MITF: variants seen among roughly 807,000 people sequenced by gnomAD.
MITF encodes the protein melanocyte inducing transcription factor.
MITF carries 17 observed loss-of-function variants against 60.5 expected under a neutral mutation model. The observed-to-expected ratio is 0.28, with a 90% CI of 0.19 to 0.42. The LOEUF (loss-of-function observed/expected upper bound fraction) is 0.42. MITF is among the 10% of genes least tolerant of loss of function. MITF has a pLI of 1.00. For missense variants in MITF, 622 were observed against 683.5 expected, an observed-to-expected ratio of 0.91 and a Z score of 1.00; for synonymous variants, 260 against 248.5, an observed-to-expected ratio of 1.05 and a Z score of -0.43.
chr3:69,864,986 A>G (rs143037268), intron 1 of MITF, among the ~76,000 whole-genome samples: 1 of 152,210 alleles, frequency 6.6e-6, no homozygotes, highest in East Asian at 1.9e-4. Context: ...TTACATATTT[A>G]TGTGATTATT....
intron 1 of MITF, among the ~76,000 whole-genome samples, chr3:69,804,173 A>G (rs906132103): frequency 6.6e-6 from 1 of 152,246 alleles, no homozygotes; most frequent in African/African-American, 2.4e-5. Flanking sequence ...TTTCTGAAGT[A>G]CTAAAAATAC....
At chr3:69,864,448 G>T (rs1006687147) in intron 1 of MITF, among the ~76,000 whole-genome samples, 1 of 152,094 alleles carries the variant, frequency 6.6e-6, no homozygotes, top group Non-Finnish European at 1.5e-5. Flanking sequence ...CGTATTTATT[G>T]GTCCTTAGTT....
At chr3:69,862,436 G>A (rs1459483579) in intron 1 of MITF, among the ~76,000 whole-genome samples, 1 of 152,158 alleles carries the variant, frequency 6.6e-6, no homozygotes, top group Non-Finnish European at 1.5e-5. Context: ...CTATTGAGTA[G>A]AAGTATGAGT....
intron 1 of MITF, among the ~76,000 whole-genome samples, chr3:69,865,398 C>T (rs2064093693): frequency 6.6e-6 from 1 of 152,158 alleles, no homozygotes; most frequent in Non-Finnish European, 1.5e-5. Context: ...ATTTTCACAA[C>T]TCTGTAGGGC....
Position 69,967,471 on chromosome 3 carries a change from T to G in MITF, c.*2223T>G, listed in dbSNP as rs1229048589. On this transcript the variant is annotated 3_prime_UTR_variant, in exon 10 of 10. Transcript: ENST00000352241. ...GATGTTAGTTTTCCTTAGCTGATTT[T>G]GAGGGTTTTTAAAAATAAAGCAAGG... The G allele has an allele frequency of 4.3e-6, 1 of 233,410 alleles. No individual in the cohort carries two copies. Among genetic ancestry groups the G allele is most frequent in the Non-Finnish European group, 8.5e-6 (1 of 117,900 alleles). The allele number at this position is 233,410 out of a possible 1,614,324, so 14.5% of individuals were successfully genotyped here.
intron 5 of MITF, among the ~76,000 whole-genome samples, chr3:69,941,798 C>T (rs1475247440): frequency 2.6e-5 from 4 of 152,302 alleles, no homozygotes; most frequent in Admixed American, 1.3e-4. Flanking sequence ...AGTTCATAAA[C>T]AAGTGGTCCT....
chr3:69,905,966 G>A (rs1384068886), intron 2 of MITF, among the ~76,000 whole-genome samples: 3 of 151,988 alleles, frequency 2.0e-5, no homozygotes, highest in Non-Finnish European at 4.4e-5. Context: ...AAAAGCAGAA[G>A]TTTTAAATTT....
chr3:69,809,050 T>C (rs1056631081), intron 1 of MITF, among the ~76,000 whole-genome samples: 3 of 152,070 alleles, frequency 2.0e-5, no homozygotes, highest in African/African-American at 7.2e-5. Context: ...TTAAGAGATA[T>C]TTTGGAGCAA....
intron 1 of MITF, among the ~76,000 whole-genome samples, chr3:69,780,985 T>A (rs1006596201): frequency 2.6e-4 from 40 of 152,324 alleles, no homozygotes; most frequent in Non-Finnish European, 4.4e-4. Flanking sequence ...TGACACTGTT[T>A]ATCAAAGGTA....
In MITF at chr3:69,853,650, C is replaced by T. The variant is rs113333971; in HGVS notation, c.105-25484C>T. Among the ~76,000 whole-genome samples, 1,520 of 152,186 alleles carry T rather than the reference C, an allele frequency of 1.0e-2. 30 individuals are homozygous for T. Among genetic ancestry groups the T allele is most frequent in the African/African-American group, 0.034 (1,426 of 41,516 alleles). ...CCTTTTTGTTCTAATCACTCCTTTGCTTTTCATTACACTTTTAGAATCGTT... is the reference window on the plus strand; with the variant it reads ...CCTTTTTGTTCTAATCACTCCTTTGTTTTTCATTACACTTTTAGAATCGTT... On this transcript the variant is annotated intron_variant, in intron 1 of 9. Coordinates refer to ENST00000352241, the MANE Select transcript of MITF (RefSeq NM_001354604.2).
intron 1 of MITF, among the ~76,000 whole-genome samples, chr3:69,744,057 A>G (rs1703632129): frequency 6.6e-6 from 1 of 152,246 alleles, no homozygotes; most frequent in South Asian, 2.1e-4. Flanking sequence ...GAAAGTGAGT[A>G]TTAGCTTTAT....
intron 1 of MITF, among the ~76,000 whole-genome samples, chr3:69,860,175 C>A (rs1373578444): frequency 2.6e-5 from 4 of 152,104 alleles, no homozygotes; most frequent in Admixed American, 2.0e-4. Flanking sequence ...ACCTTTAATG[C>A]AGGAACAAGT....
At chr3:69,741,184 T>C (rs1290105226) in intron 1 of MITF, among the ~76,000 whole-genome samples, 1 of 152,024 alleles carries the variant, frequency 6.6e-6, no homozygotes, top group African/African-American at 2.4e-5. Context: ...ATAGATTGTG[T>C]GTGTTGGGGG....
intron 1 of MITF, among the ~76,000 whole-genome samples, chr3:69,767,872 T>C (rs2062325458): frequency 6.6e-6 from 1 of 152,154 alleles, no homozygotes; most frequent in Non-Finnish European, 1.5e-5. Context: ...GGAACGATGA[T>C]ACACATGCAT....
intron 1 of MITF, among the ~76,000 whole-genome samples, chr3:69,865,739 A>G (rs1045305766): frequency 6.6e-6 from 1 of 152,122 alleles, no homozygotes; most frequent in Non-Finnish European, 1.5e-5. Context: ...CAAGGAGGGC[A>G]TATTCAATTA....
At chr3:69,779,205 A>T (rs1353348514) in intron 1 of MITF, among the ~76,000 whole-genome samples, 1 of 152,182 alleles carries the variant, frequency 6.6e-6, no homozygotes, top group Admixed American at 6.5e-5. Flanking sequence ...TTGGAAAGAG[A>T]CATCTCAAGG....
chr3:69,917,344 T>C (rs1001524588), intron 2 of MITF, among the ~76,000 whole-genome samples: 3 of 151,434 alleles, frequency 2.0e-5, no homozygotes, highest in Non-Finnish European at 4.4e-5. Context: ...AATATGAAAA[T>C]ATGATGATAT....
At chr3:69,939,651 C>T (rs1351570806) in intron 4 of MITF, among the ~76,000 whole-genome samples, 1 of 151,954 alleles carries the variant, frequency 6.6e-6, no homozygotes, top group African/African-American at 2.4e-5. Context: ...TCTACTACAT[C>T]CTATTTAATG....
At chr3:69,798,768 A>G (rs573206795) in intron 1 of MITF, among the ~76,000 whole-genome samples, 6 of 151,906 alleles carry the variant, frequency 3.9e-5, no homozygotes, top group Admixed American at 3.9e-4. Flanking sequence ...AATGCATTAT[A>G]CTCCTTCCCT....
Sources: gnomAD v4.1 joint callset for allele counts (sites outside exome capture counted in the v4.1 genomes callset) on GRCh38, gnomAD v4.1.1 for gene constraint, MANE v1.5 for transcripts, NCBI Gene and HGNC (gene_info 2026-07-23, HGNC 2026-07-21) for gene names.